Variants in UPK3A observed in about 807,000 individuals in gnomAD.
UPK3A encodes the protein uroplakin-3a.
UPK3A carries 32 observed loss-of-function variants against 27.6 expected under a neutral mutation model. The observed-to-expected ratio is 1.16, with a 90% CI of 0.87 to 1.55. The LOEUF (loss-of-function observed/expected upper bound fraction) is 1.55. Among genes scored for constraint, UPK3A ranks in the 40% most tolerant of loss-of-function variants. The pLI, the probability that UPK3A is intolerant of heterozygous loss-of-function variation, is 0.00. For missense variants in UPK3A, 370 were observed against 367.9 expected (o/e 1.01, Z -0.05); for synonymous variants, 171 against 163.9 (o/e 1.04, Z -0.33).
chr22:45,287,029 G>A (rs1051958828), intron 2 of UPK3A, 143 bp from the exon 3 acceptor site: 1 of 1,231,942 alleles, frequency 8.1e-7, no homozygotes, highest in Non-Finnish European at 1.2e-6. Flanking sequence ...AGAGGGCAGA[G>A]ACTAAGTTTG....
chr22:45,290,163 C>A (rs3788642), intron 4 of UPK3A, among the ~76,000 whole-genome samples: 2 of 152,048 alleles, frequency 1.3e-5, no homozygotes, highest in Non-Finnish European at 2.9e-5. Flanking sequence ...CAGCAGAGAC[C>A]CAAAGTTCAT....
rs1465279176 is a variant in UPK3A, at chr22:45,287,174, A to G, written c.211A>G (p.Ile71Val). ...VYLYVLVDSA[I>V]SRNASVQDST... ...GACTCCCTGCACCGCCTCTGCAGCC[A>G]TTTCCAGGAATGCCTCAGTGCAAGA... Residue 71 changes from isoleucine to valine, a missense_variant and splice_region_variant, in exon 3 of 6, where the codon ATT becomes GTT. Transcript: ENST00000216211. 7.4e-6 allele frequency: 12 copies of G among 1,613,944 alleles called. No homozygotes were observed. Among genetic ancestry groups the G allele is most frequent in the Non-Finnish European group, 1.0e-5 (12 of 1,180,036 alleles).
chr22:45,287,349 T>G lies in UPK3A; in HGVS notation c.386T>G (p.Leu129Arg). The G allele has an allele frequency of 6.2e-7, 1 of 1,614,124 alleles. No homozygotes were observed. Among genetic ancestry groups the G allele is most frequent in the East Asian group, 2.2e-5 (1 of 44,884 alleles). ...IGDVSKASQI[L>R]NAYLVRVGAN... ...GATGTGTCCAAGGCCTCACAGATCCTGAATGCCTACCTGGTCAGGGTGGGT... is the reference window on the plus strand; with the variant it reads ...GATGTGTCCAAGGCCTCACAGATCCGGAATGCCTACCTGGTCAGGGTGGGT... The change falls in exon 3 of 6, where the codon CTG (leucine) becomes CGG (arginine). Residue 129 changes from leucine to arginine, a missense_variant. Leu to Arg is a moderately radical substitution (Grantham distance 102, BLOSUM62 -2). Coordinates refer to ENST00000216211, the MANE Select transcript of UPK3A (RefSeq NM_006953.4).
intron 4 of UPK3A, among the ~76,000 whole-genome samples, chr22:45,292,767 G>C (rs1002065518): frequency 2.0e-5 from 3 of 151,760 alleles, no homozygotes; most frequent in Admixed American, 1.3e-4. Flanking sequence ...AATTAGCTGG[G>C]CATGGTGGCG....
intron 3 of UPK3A, 26 bp from the exon 4 acceptor site, chr22:45,289,035 G>A (rs755095257): frequency 4.3e-6 from 7 of 1,612,304 alleles, no homozygotes; most frequent in Non-Finnish European, 5.9e-6. Context: ...AAGCATAAAA[G>A]TCACCCTGGC....
chr22:45,290,720 G>A (rs570201427), intron 4 of UPK3A, among the ~76,000 whole-genome samples: 99 of 152,278 alleles, frequency 6.5e-4, no homozygotes, highest in African/African-American at 2.3e-3. Flanking sequence ...AGCAGGAGGT[G>A]AGCAGTGGGC....
At chr22:45,286,414 C>G (rs562447814) in intron 2 of UPK3A, among the ~76,000 whole-genome samples, 43 of 152,196 alleles carry the variant, frequency 2.8e-4, no homozygotes, top group African/African-American at 7.9e-4. Flanking sequence ...GTGGAATAAC[C>G]CCCCCTGGAC....
chr22:45,293,147 G>A (rs1415238025), intron 4 of UPK3A, 34 bp from the exon 5 acceptor site: 1 of 1,611,778 alleles, frequency 6.2e-7, no homozygotes, highest in South Asian at 1.1e-5. Context: ...GTGGTGCGGT[G>A]TCTGGGAAGT....
At position 45,295,801 on chromosome 22, in the gene UPK3A, T is replaced by A. The variant is rs986288027; in HGVS notation, c.*82T>A. 34 of 1,552,830 alleles carry A rather than the reference T, an allele frequency of 2.2e-5. No individual in the cohort carries two copies. In the African/African-American group the frequency reaches 4.6e-4, roughly 21 times the overall value. ...GCAGCGGTGGTTGTCACACCCTGAC[T>A]TCAGGGAAGGTGAAACAGGGCTTGT... On this transcript the variant is annotated 3_prime_UTR_variant, in exon 6 of 6. Coordinates refer to ENST00000216211, the MANE Select transcript of UPK3A (RefSeq NM_006953.4).
intron 1 of UPK3A, 30 bp from the exon 2 acceptor site, chr22:45,285,911 G>T (rs757530563): frequency 9.9e-6 from 16 of 1,613,040 alleles, no homozygotes; most frequent in Middle Eastern, 1.9e-4. Flanking sequence ...TCTGCCGGAG[G>T]TCAGTTCCCA....
At chr22:45,286,897 G>A (rs1052247317) in intron 2 of UPK3A, among the ~76,000 whole-genome samples, 5 of 152,138 alleles carry the variant, frequency 3.3e-5, no homozygotes, top group Admixed American at 3.3e-4. Context: ...AGGGCTTTCA[G>A]CAATGAAGAG....
intron 5 of UPK3A, among the ~76,000 whole-genome samples, chr22:45,294,209 C>T (rs1316521056): frequency 6.6e-6 from 1 of 152,028 alleles, no homozygotes; most frequent in Non-Finnish European, 1.5e-5. Flanking sequence ...TGAGAGAGGT[C>T]CCAGTGTGGG....
At chr22:45,294,253 T>A (rs1451811150) in intron 5 of UPK3A, among the ~76,000 whole-genome samples, 1 of 151,146 alleles carries the variant, frequency 6.6e-6, no homozygotes, top group Non-Finnish European at 1.5e-5. Flanking sequence ...TTTCTTGGAG[T>A]AGGTATAGTT....
Position 45,289,130 on chromosome 22 carries a change from C to A in UPK3A, c.558C>A (p.Ile186=), listed in dbSNP as rs767600626. Residue 186 remains isoleucine, a synonymous_variant, in exon 4 of 6, where the codon ATC becomes ATA. Transcript: ENST00000216211. The part of the protein sequence containing the change: ...VEDQTLWSDP[I]RTNQLTPYST... ...ACCAGACCCTGTGGTCAGACCCCAT[C>A]CGCACCAACCAGCGTAAGTGGTGGG... 12 of 1,613,912 alleles carry A rather than the reference C, an allele frequency of 7.4e-6. No homozygotes were observed. The highest frequency in any genetic ancestry group is 1.0e-5 in the Non-Finnish European group (12 of 1,180,034).
Position 45,295,641 on chromosome 22 carries a change from G to A in UPK3A, c.786G>A (p.Ser262=), listed in dbSNP as rs117722381. 623 of 1,613,940 alleles carry A rather than the reference G, an allele frequency of 3.9e-4. 1 individual carries two copies. The highest frequency in any genetic ancestry group is 6.2e-4 in the Admixed American group (37 of 59,986). ...CTGTTCCCAAGTCGCTGGGGGCCTC[G>A]GAGTCTTCCTACACGTCCGTGAACC... ...QEAVPKSLGA[S]ESSYTSVNRG... The change falls in exon 6 of 6, where the codon TCG becomes TCA. Residue 262 remains serine, a synonymous_variant. Transcript: ENST00000216211.
At position 45,295,469 on chromosome 22, in the gene UPK3A, C is replaced by T. The variant is rs2084188468; in HGVS notation, c.705-91C>T. 2.2e-6 allele frequency: 3 copies of T among 1,355,444 alleles called. No individual in the cohort carries two copies. In the East Asian group the frequency reaches 6.9e-5, roughly 31 times the overall value. The allele number at this position is 1,355,444 out of a possible 1,614,324, so 84.0% of individuals were successfully genotyped here. A position where few individuals can be genotyped will look rare whatever the true frequency, so the allele number is the denominator to read the frequency against. On this transcript the variant is annotated intron_variant, in intron 5 of 5. Coordinates refer to ENST00000216211, the MANE Select transcript of UPK3A (RefSeq NM_006953.4). Reference sequence around the variant, plus strand: ...TCTACGAAGACGATATCTGTGAAAGCTATGTCTGAGTATGAAGGTCCCCAA... The same window carrying T: ...TCTACGAAGACGATATCTGTGAAAGTTATGTCTGAGTATGAAGGTCCCCAA...
intron 4 of UPK3A, among the ~76,000 whole-genome samples, chr22:45,290,009 TATGGCCAGGTAAG>T (rs1411066169): frequency 6.6e-5 from 10 of 152,304 alleles, no homozygotes; most frequent in African/African-American, 2.4e-4. Context: ...GCAAGCACCC[TATGGCCAGGTAAG>T]ATGTTTCCAA....
chr22:45,291,402 G>T (rs1459445341), intron 4 of UPK3A, among the ~76,000 whole-genome samples: 1 of 89,730 alleles, frequency 1.1e-5, no homozygotes, highest in Non-Finnish European at 1.8e-5. Context: ...GTGTGTGGGT[G>T]GTGTGAGAGT....
chr22:45,288,925 C>T (rs1038189821), intron 3 of UPK3A, 136 bp from the exon 4 acceptor site: 21 of 802,626 alleles, frequency 2.6e-5, no homozygotes, highest in Admixed American at 1.2e-4. Flanking sequence ...GCTCAGTAGC[C>T]GTCTACATTT....
Sources: gnomAD v4.1 joint callset for allele counts (sites outside exome capture counted in the v4.1 genomes callset) on GRCh38, gnomAD v4.1.1 for gene constraint, MANE v1.5 for transcripts, NCBI Gene and HGNC (gene_info 2026-07-23, HGNC 2026-07-21) for gene names.